Variants in FSTL5 observed in about 807,000 individuals in gnomAD.
The protein encoded by FSTL5 is follistatin like 5.
A neutral mutation model predicts 89.1 loss-of-function variants in FSTL5; 62 were observed. That is an observed-to-expected ratio of 0.70 (90% CI 0.57 to 0.86). The LOEUF is 0.86. Ranked by LOEUF, FSTL5 falls within the 40% of genes least tolerant of loss-of-function variation. FSTL5 has a pLI of 0.00. For missense variants in FSTL5, 1,057 were observed against 1,001.6 expected (o/e 1.06, Z -0.75); for synonymous variants, 383 against 346.2 (o/e 1.11, Z -1.18).
At chr4:161,768,854 A>T (rs1741109579) in intron 5 of FSTL5, among the ~76,000 whole-genome samples, 1 of 151,928 alleles carries the variant, frequency 6.6e-6, no homozygotes, top group Non-Finnish European at 1.5e-5. Context: ...TAGAACAGAA[A>T]TAAATGAAAT....
At chr4:161,473,360 C>A (rs975461536) in intron 13 of FSTL5, among the ~76,000 whole-genome samples, 1 of 150,966 alleles carries the variant, frequency 6.6e-6, no homozygotes, top group African/African-American at 2.4e-5. Context: ...ATTTTTAAAT[C>A]TGCTTGCTGT....
intron 1 of FSTL5, among the ~76,000 whole-genome samples, chr4:162,156,389 T>C (rs1733472951): frequency 6.6e-6 from 1 of 152,174 alleles, no homozygotes; most frequent in Admixed American, 6.6e-5. Flanking sequence ...ATGCGATTAC[T>C]GGGTAGATAG....
At chr4:161,610,221 A>G (rs1277889386) in intron 7 of FSTL5, among the ~76,000 whole-genome samples, 2 of 152,132 alleles carry the variant, frequency 1.3e-5, no homozygotes, top group Non-Finnish European at 2.9e-5. Flanking sequence ...CTTCTTTCAG[A>G]TTATATTTCT....
At chr4:161,788,258 G>A (rs140044693) in intron 4 of FSTL5, among the ~76,000 whole-genome samples, 6 of 152,252 alleles carry the variant, frequency 3.9e-5, no homozygotes, top group South Asian at 4.1e-4. Flanking sequence ...TCTTTATGAT[G>A]TGAACATTCA....
intron 15 of FSTL5, among the ~76,000 whole-genome samples, chr4:161,419,002 A>T (rs1731887470): frequency 6.6e-6 from 1 of 152,194 alleles, no homozygotes; most frequent in East Asian, 1.9e-4. Flanking sequence ...CTTTAATATA[A>T]GAGTCACTCA....
At chr4:161,494,555 G>T (rs1439198627) in intron 12 of FSTL5, among the ~76,000 whole-genome samples, 1 of 152,244 alleles carries the variant, frequency 6.6e-6, no homozygotes, top group South Asian at 2.1e-4. Flanking sequence ...TTCTTGAAAC[G>T]TAAGTATTCT....
At chr4:161,961,441 A>T (rs1438469380) in intron 3 of FSTL5, among the ~76,000 whole-genome samples, 17 of 152,008 alleles carry the variant, frequency 1.1e-4, no homozygotes, top group Admixed American at 1.1e-3. Context: ...TCACTGCATT[A>T]TGACTAACTG....
chr4:161,858,413 G>C (rs1274468534), intron 4 of FSTL5, among the ~76,000 whole-genome samples: 1 of 152,128 alleles, frequency 6.6e-6, no homozygotes, highest in African/African-American at 2.4e-5. Context: ...TATACTTAGA[G>C]AGCCCTTTCT....
intron 3 of FSTL5, among the ~76,000 whole-genome samples, chr4:161,985,829 C>T (rs1735948922): frequency 1.3e-5 from 2 of 152,012 alleles, no homozygotes; most frequent in Admixed American, 6.6e-5. Flanking sequence ...CTACATTCCA[C>T]ATATATCTAA....
chr4:161,959,356 T>C (rs1735110215), intron 3 of FSTL5, among the ~76,000 whole-genome samples: 1 of 152,096 alleles, frequency 6.6e-6, no homozygotes, highest in African/African-American at 2.4e-5. Context: ...TTTTAGGATG[T>C]TATTTTTTAT....
intron 7 of FSTL5, among the ~76,000 whole-genome samples, chr4:161,645,405 A>ATTTTTTTTTTTTTTTTTTTTTTTTT (rs1315733069): frequency 1.3e-5 from 2 of 152,002 alleles, no homozygotes; most frequent in Non-Finnish European, 2.9e-5. Context: ...TGGACATTGT[A>ATTTTTTTTTTTTTTTTTTTTTTTTT]TTTTTATATA....
At position 161,476,188 on chromosome 4, in the gene FSTL5, T is replaced by G. The variant is rs1324287851; in HGVS notation, c.1608+4832A>C. ...AAGTTTGCTGGTTTTTTTTTTTTTT[T>G]GTTTGTTTGTTTTTTTGAGAAAGAG... On this transcript the variant is annotated intron_variant, in intron 13 of 15. Coordinates refer to ENST00000306100, the MANE Select transcript of FSTL5 (RefSeq NM_020116.5). 6.9e-4 allele frequency among the ~76,000 whole-genome samples: 48 copies of G among 69,950 alleles called. 2 individuals carry two copies. Among genetic ancestry groups the G allele is most frequent in the South Asian group, 4.8e-3 (11 of 2,288 alleles). The allele number at this position is 69,950 out of a possible 152,430, so 45.9% of individuals were successfully genotyped here. A position where few individuals can be genotyped will look rare whatever the true frequency, so the allele number is the denominator to read the frequency against.
chr4:161,708,242 C>T (rs907271335), intron 6 of FSTL5, among the ~76,000 whole-genome samples: 3 of 151,920 alleles, frequency 2.0e-5, no homozygotes, highest in African/African-American at 7.2e-5. Context: ...AGGTTGAAAA[C>T]TACAGATCTC....
intron 15 of FSTL5, among the ~76,000 whole-genome samples, chr4:161,396,753 A>G (rs1469887980): frequency 6.6e-6 from 1 of 151,976 alleles, no homozygotes; most frequent in Non-Finnish European, 1.5e-5. Context: ...CAGCAAACAC[A>G]AACAAGCCCA....
At chr4:161,676,078 C>G (rs1346509780) in intron 6 of FSTL5, among the ~76,000 whole-genome samples, 2 of 152,056 alleles carry the variant, frequency 1.3e-5, no homozygotes, top group Non-Finnish European at 2.9e-5. Flanking sequence ...GTTTCATCAT[C>G]TGGAAAGTAA....
intron 2 of FSTL5, among the ~76,000 whole-genome samples, chr4:162,102,410 A>T (rs1295143800): frequency 6.6e-6 from 1 of 151,232 alleles, no homozygotes; most frequent in East Asian, 2.0e-4. Flanking sequence ...AATAAAGTCA[A>T]ACGTGTATAG....
At chr4:161,648,812 G>T (rs1404388896) in intron 7 of FSTL5, among the ~76,000 whole-genome samples, 1 of 152,166 alleles carries the variant, frequency 6.6e-6, no homozygotes, top group Non-Finnish European at 1.5e-5. Flanking sequence ...TGGTATTAGA[G>T]ACATGATTTC....
intron 13 of FSTL5, among the ~76,000 whole-genome samples, chr4:161,464,646 T>C (rs1441230726): frequency 6.6e-6 from 1 of 152,208 alleles, no homozygotes; most frequent in Non-Finnish European, 1.5e-5. Context: ...AAATAAACCA[T>C]GCACTTAGAA....
chr4:161,989,040 C>T (rs1344817238), intron 3 of FSTL5, among the ~76,000 whole-genome samples: 1 of 152,144 alleles, frequency 6.6e-6, no homozygotes, highest in African/African-American at 2.4e-5. Context: ...TTCATGTCCC[C>T]TATGCCAAGG....
Sources: allele counts gnomAD v4.1 joint callset (sites outside exome capture counted in the v4.1 genomes callset), GRCh38; gene constraint gnomAD v4.1.1; transcripts MANE v1.5; gene names NCBI Gene and HGNC (gene_info 2026-07-23, HGNC 2026-07-21).